MACROD2: variants seen among roughly 807,000 people sequenced by gnomAD.
MACROD2 encodes the protein ADP-ribose glycohydrolase MACROD2.
In MACROD2, 36 loss-of-function variants were observed where a neutral mutation model predicts 70.4. The observed-to-expected ratio is 0.51, with a 90% confidence interval of 0.39 to 0.68. The LOEUF (loss-of-function observed/expected upper bound fraction) is 0.68. Among genes scored for constraint, MACROD2 ranks in the 30% least tolerant of loss-of-function variants. The pLI is 0.00. For synonymous variants in MACROD2, 172 were observed against 178.8 expected (o/e 0.96, Z 0.30); for missense variants, 496 against 538.4 (o/e 0.92, Z 0.78).
chr20:15,185,845 A>T (rs896195916), intron 5 of MACROD2, among the ~76,000 whole-genome samples: 1 of 152,182 alleles, frequency 6.6e-6, no homozygotes, highest in Admixed American at 6.5e-5. Flanking sequence ...AGTTTCCACC[A>T]TTTATCATCA....
At chr20:15,929,945 C>G (rs2065549245) in intron 10 of MACROD2, among the ~76,000 whole-genome samples, 1 of 152,198 alleles carries the variant, frequency 6.6e-6, no homozygotes, top group South Asian at 2.1e-4. Context: ...AGAATTCTCA[C>G]AGGTTTCTGT....
At chr20:14,523,992 A>G (rs1342097283) in intron 4 of MACROD2, among the ~76,000 whole-genome samples, 1 of 152,238 alleles carries the variant, frequency 6.6e-6, no homozygotes, top group African/African-American at 2.4e-5. Context: ...ACATTGTTCT[A>G]GATAAAACAC....
At chr20:15,598,930 C>T (rs6034225) in intron 8 of MACROD2, among the ~76,000 whole-genome samples, 21,397 of 152,114 alleles carry the variant, frequency 0.14, 2,008 homozygotes, top group African/African-American at 0.24. Context: ...AAGCCCTAAG[C>T]GAATCCTCTC....
At chr20:14,063,668 CA>C (rs1480185977) in intron 2 of MACROD2, among the ~76,000 whole-genome samples, 1 of 152,138 alleles carries the variant, frequency 6.6e-6, no homozygotes, top group African/African-American at 2.4e-5. Flanking sequence ...GTTGCATCCC[CA>C]AGATTATGTG....
At chr20:14,112,099 A>G (rs1351553177) in intron 3 of MACROD2, among the ~76,000 whole-genome samples, 1 of 152,046 alleles carries the variant, frequency 6.6e-6, no homozygotes, top group Admixed American at 6.6e-5. Flanking sequence ...ATTAAATGAA[A>G]TAAGTCAGGG....
intron 8 of MACROD2, among the ~76,000 whole-genome samples, chr20:15,628,449 A>G (rs1341739299): frequency 6.6e-6 from 1 of 152,216 alleles, no homozygotes; most frequent in Non-Finnish European, 1.5e-5. Context: ...CTCTAATTGA[A>G]GTATAGAGGG....
At chr20:15,311,292 A>G (rs1006715375) in intron 6 of MACROD2, among the ~76,000 whole-genome samples, 5 of 152,204 alleles carry the variant, frequency 3.3e-5, no homozygotes, top group African/African-American at 1.2e-4. Flanking sequence ...ACAAAACAAA[A>G]CAACAATAAC....
chr20:14,127,706 G>T, intron 3 of MACROD2: 1 of 383,096 alleles, frequency 2.6e-6, no homozygotes, highest in Non-Finnish European at 5.0e-6. Context: ...TTCTGAACGT[G>T]ATACAATCTA....
At chr20:14,286,322 T>C (rs2033030085) in intron 3 of MACROD2, among the ~76,000 whole-genome samples, 1 of 152,128 alleles carries the variant, frequency 6.6e-6, no homozygotes, top group Admixed American at 6.6e-5. Flanking sequence ...TTTCAAGTAC[T>C]TTTTCCTCTT....
intron 2 of MACROD2, among the ~76,000 whole-genome samples, chr20:14,022,070 T>A (rs1232652093): frequency 6.6e-6 from 1 of 152,204 alleles, no homozygotes; most frequent in East Asian, 1.9e-4. Context: ...AAAGTAGTTA[T>A]ATGTTATAGG....
At chr20:14,508,805 T>C (rs1436461062) in intron 4 of MACROD2, among the ~76,000 whole-genome samples, 1 of 152,186 alleles carries the variant, frequency 6.6e-6, no homozygotes, top group Non-Finnish European at 1.5e-5. Flanking sequence ...GTTCATATGT[T>C]TACCACCCAG....
chr20:15,362,366 T>C (rs2078362815), intron 6 of MACROD2, among the ~76,000 whole-genome samples: 1 of 152,168 alleles, frequency 6.6e-6, no homozygotes, highest in South Asian at 2.1e-4. Flanking sequence ...ATCCTTACCT[T>C]ATTTCAGTCT....
At chr20:14,713,107 G>A (rs1341349085) in intron 5 of MACROD2, among the ~76,000 whole-genome samples, 2 of 152,162 alleles carry the variant, frequency 1.3e-5, no homozygotes, top group Admixed American at 6.5e-5. Context: ...AGTTTCTTGT[G>A]TGAGTGTGTG....
intron 3 of MACROD2, chr20:14,324,244 A>G (rs1348845007): frequency 6.6e-6 from 1 of 152,502 alleles, no homozygotes; most frequent in Non-Finnish European, 1.5e-5. Flanking sequence ...ATCAAGGCAC[A>G]TACAAGACTG....
intron 12 of MACROD2, among the ~76,000 whole-genome samples, chr20:15,956,949 T>G (rs545525860): frequency 6.6e-6 from 1 of 152,310 alleles, no homozygotes; most frequent in Admixed American, 6.5e-5. Context: ...GTGGCCAGCC[T>G]TCAGAGTGCA....
At chr20:14,440,559 T>C (rs1386701462) in intron 3 of MACROD2, among the ~76,000 whole-genome samples, 1 of 152,206 alleles carries the variant, frequency 6.6e-6, no homozygotes, top group Non-Finnish European at 1.5e-5. Context: ...CAGATCTGTG[T>C]ACCTTTACAT....
intron 7 of MACROD2, among the ~76,000 whole-genome samples, chr20:15,460,977 CAT>C (rs1157335873): frequency 0.13 from 8,927 of 69,674 alleles, 769 homozygotes; most frequent in South Asian, 0.24. Context: ...TCTCTCTCTC[CAT>C]ATATATATAT....
chr20:15,330,950 G>A (rs1600250674), intron 6 of MACROD2, among the ~76,000 whole-genome samples: 1 of 151,604 alleles, frequency 6.6e-6, no homozygotes, highest in Admixed American at 6.6e-5. Context: ...TTGCATAAAA[G>A]CCTCTACGTG....
intron 8 of MACROD2, among the ~76,000 whole-genome samples, chr20:15,571,713 A>G (rs547912575): frequency 1.1e-4 from 17 of 152,184 alleles, no homozygotes; most frequent in African/African-American, 4.1e-4. Flanking sequence ...AGGATGGGAG[A>G]TGGAACTTGT....
Sources: allele counts gnomAD v4.1 joint callset (sites outside exome capture counted in the v4.1 genomes callset), GRCh38; gene constraint gnomAD v4.1.1; transcripts MANE v1.5; gene names NCBI Gene and HGNC (gene_info 2026-07-23, HGNC 2026-07-21).